ENTREP2: variants seen among roughly 807,000 people sequenced by gnomAD.
ENTREP2 encodes endosomal transmembrane epsin interactor 2, also known as protein ENTREP2.
At chr15:29,291,193 A>G in the ENTREP2 span, among the ~76,000 whole-genome samples, 3 of 152,184 alleles carry the variant, frequency 2.0e-5, no homozygotes, top group Non-Finnish European at 4.4e-5. Flanking sequence ...AGTCCATACT[A>G]TGCATTTGTG....
the ENTREP2 span, among the ~76,000 whole-genome samples, chr15:29,464,113 G>T: frequency 4.6e-5 from 7 of 152,144 alleles, no homozygotes; most frequent in African/African-American, 1.7e-4. Context: ...GTCTTCTGGA[G>T]ATGGATTGCG....
At chr15:29,423,540 C>A in the ENTREP2 span, among the ~76,000 whole-genome samples, 5 of 151,690 alleles carry the variant, frequency 3.3e-5, no homozygotes, top group Non-Finnish European at 7.4e-5. Flanking sequence ...GTAATCCCAG[C>A]ACTTCAGGAG....
the ENTREP2 span, among the ~76,000 whole-genome samples, chr15:29,565,627 G>T: frequency 6.6e-6 from 1 of 152,168 alleles, no homozygotes; most frequent in Admixed American, 6.6e-5. Flanking sequence ...GAGTAATATG[G>T]GTGGTATAAT....
chr15:29,133,458 G>A, the ENTREP2 span, among the ~76,000 whole-genome samples: 1 of 152,070 alleles, frequency 6.6e-6, no homozygotes, highest in Non-Finnish European at 1.5e-5. Context: ...CCACACCTGC[G>A]CTCCCCTGCG....
chr15:29,380,021 T>A, the ENTREP2 span, among the ~76,000 whole-genome samples: 4 of 150,034 alleles, frequency 2.7e-5, no homozygotes, highest in Non-Finnish European at 5.9e-5. Flanking sequence ...GCATTTCCCC[T>A]TGGCACCAAG....
At chr15:29,221,635 T>C in the ENTREP2 span, among the ~76,000 whole-genome samples, 1 of 152,192 alleles carries the variant, frequency 6.6e-6, no homozygotes, top group East Asian at 1.9e-4. Context: ...TCCTCCTCCC[T>C]GTCTTGCCTT....
chr15:29,278,764 A>G, the ENTREP2 span, among the ~76,000 whole-genome samples: 1 of 152,234 alleles, frequency 6.6e-6, no homozygotes, highest in Non-Finnish European at 1.5e-5. Context: ...CACAGATGTA[A>G]GAATTTATTT....
the ENTREP2 span, among the ~76,000 whole-genome samples, chr15:29,397,759 C>T: frequency 6.6e-6 from 1 of 152,010 alleles, no homozygotes; most frequent in African/African-American, 2.4e-5. Flanking sequence ...AAAACTTCTA[C>T]GTATGAAGAT....
At chr15:29,163,121 C>T in the ENTREP2 span, among the ~76,000 whole-genome samples, 1 of 152,180 alleles carries the variant, frequency 6.6e-6, no homozygotes, top group Non-Finnish European at 1.5e-5. Context: ...GAGATTACTC[C>T]ATGAAGGGAG....
chr15:29,216,219 A>G, the ENTREP2 span, among the ~76,000 whole-genome samples: 1 of 152,136 alleles, frequency 6.6e-6, no homozygotes, highest in Non-Finnish European at 1.5e-5. Flanking sequence ...TTTCCTTCAT[A>G]TATGCTGCTT....
At chr15:29,204,024 A>G in the ENTREP2 span, among the ~76,000 whole-genome samples, 1 of 152,152 alleles carries the variant, frequency 6.6e-6, no homozygotes, top group Non-Finnish European at 1.5e-5. Flanking sequence ...ATCCAAATAA[A>G]TCTTTTCCAT....
the ENTREP2 span, among the ~76,000 whole-genome samples, chr15:29,130,953 G>A: frequency 6.6e-6 from 1 of 152,214 alleles, no homozygotes; most frequent in African/African-American, 2.4e-5. Flanking sequence ...GGAGAGCGGG[G>A]AGAGGGCTGT....
the ENTREP2 span, among the ~76,000 whole-genome samples, chr15:29,141,331 C>G: frequency 4.6e-5 from 7 of 152,200 alleles, no homozygotes; most frequent in African/African-American, 1.7e-4. Flanking sequence ...GAGTCTCAGT[C>G]CCCTTCCCTG....
At chr15:29,410,042 CAG>C in the ENTREP2 span, among the ~76,000 whole-genome samples, 3 of 152,232 alleles carry the variant, frequency 2.0e-5, no homozygotes, top group East Asian at 1.9e-4. Context: ...TCTGGATTCA[CAG>C]ACTTTCCCCT....
the ENTREP2 span, among the ~76,000 whole-genome samples, chr15:29,514,506 C>T: frequency 2.0e-5 from 3 of 152,194 alleles, no homozygotes; most frequent in South Asian, 4.1e-4. Flanking sequence ...GTAAACAAGG[C>T]TTCCATGAAC....
chr15:29,311,087 T>A, the ENTREP2 span, among the ~76,000 whole-genome samples: 4 of 151,636 alleles, frequency 2.6e-5, no homozygotes, highest in African/African-American at 9.8e-5. Flanking sequence ...TTTTTTTTTT[T>A]AACTCTAGAA....
At chr15:29,559,201 C>T in the ENTREP2 span, among the ~76,000 whole-genome samples, 1 of 152,104 alleles carries the variant, frequency 6.6e-6, no homozygotes, top group Non-Finnish European at 1.5e-5. Context: ...TTCTTGTGAT[C>T]GATCCAGTTA....
chr15:29,512,057 A>G, the ENTREP2 span, among the ~76,000 whole-genome samples: 5 of 151,816 alleles, frequency 3.3e-5, no homozygotes, highest in African/African-American at 1.2e-4. Flanking sequence ...ATGGTGAACG[A>G]TATTACTGCC....
the ENTREP2 span, among the ~76,000 whole-genome samples, chr15:29,631,610 T>C: frequency 6.6e-6 from 1 of 152,212 alleles, no homozygotes; most frequent in South Asian, 2.1e-4. Context: ...AACTGGTCAG[T>C]TTTTACCTTT....
Sources: allele counts gnomAD v4.1 joint callset (sites outside exome capture counted in the v4.1 genomes callset), GRCh38; gene constraint gnomAD v4.1.1; transcripts MANE v1.5; gene names NCBI Gene and HGNC (gene_info 2026-07-23, HGNC 2026-07-21).